The following TMPRSS11F variants were observed in gnomAD, a reference collection of about 807,000 sequenced individuals.
The protein encoded by TMPRSS11F is transmembrane serine protease 11F.
Under a neutral mutation model 60.2 loss-of-function variants are expected in TMPRSS11F, and 47 were observed. The observed-to-expected ratio is 0.78, with a 90% CI of 0.62 to 1.00. The LOEUF (loss-of-function observed/expected upper bound fraction) is 1.00, where lower values mean the gene tolerates loss of function less well. TMPRSS11F is among the 50% of genes least tolerant of loss of function. TMPRSS11F has a pLI of 0.00. For missense variants in TMPRSS11F, 519 were observed against 522.9 expected, an observed-to-expected ratio of 0.99 and a Z score of 0.07; for synonymous variants, 166 against 167.3, an observed-to-expected ratio of 0.99 and a Z score of 0.06.
chr4:68,091,886 A>C (rs1389601749), intron 2 of TMPRSS11F, among the ~76,000 whole-genome samples: 1 of 151,844 alleles, frequency 6.6e-6, no homozygotes, highest in Admixed American at 6.6e-5. Context: ...TCCTAGGTTC[A>C]AGTGATTCTC....
Position 68,129,826 on chromosome 4 carries a change from C to T in TMPRSS11F, c.-6G>A, listed in dbSNP as rs745354577. On this transcript the variant is annotated 5_prime_UTR_variant, in exon 1 of 10. Transcript: ENST00000356291. ...AATACTTACGCGTACATCATGAACC[C>T]AGGACTGGGGCAGCTTCTATTCAGT... The T allele has an allele frequency of 2.5e-6, 4 of 1,613,212 alleles. No individual in the cohort carries two copies. Among genetic ancestry groups the T allele is most frequent in the Non-Finnish European group, 3.4e-6 (4 of 1,179,472 alleles).
intron 3 of TMPRSS11F, chr4:68,077,216 G>A (rs746096615): frequency 2.6e-5 from 4 of 152,270 alleles, no homozygotes; most frequent in Admixed American, 6.5e-5. Flanking sequence ...CCCACTCCTG[G>A]GAAAAGTCCC....
At chr4:68,117,577 C>T (rs1195531562) in intron 1 of TMPRSS11F, among the ~76,000 whole-genome samples, 1 of 151,152 alleles carries the variant, frequency 6.6e-6, no homozygotes, top group East Asian at 1.9e-4. Context: ...AACAACATTC[C>T]TAATTATCAG....
intron 1 of TMPRSS11F, among the ~76,000 whole-genome samples, chr4:68,111,591 A>G (rs529336456): frequency 1.1e-4 from 17 of 152,298 alleles, no homozygotes; most frequent in African/African-American, 4.1e-4. Flanking sequence ...TATAATTATT[A>G]TTCTTCATCA....
intron 3 of TMPRSS11F, among the ~76,000 whole-genome samples, chr4:68,087,724 T>TATTA (rs1475858399): frequency 3.0e-5 from 3 of 99,106 alleles, no homozygotes. Flanking sequence ...TTTATTTATT[T>TATTA]ATTTATTATT....
At chr4:68,107,134 G>A (rs570710375) in intron 1 of TMPRSS11F, among the ~76,000 whole-genome samples, 1 of 152,120 alleles carries the variant, frequency 6.6e-6, no homozygotes, top group Non-Finnish European at 1.5e-5. Flanking sequence ...AGACTTTATA[G>A]TTACTATGAC....
chr4:68,115,727 C>T (rs1724505088), intron 1 of TMPRSS11F, among the ~76,000 whole-genome samples: 2 of 151,956 alleles, frequency 1.3e-5, no homozygotes, highest in African/African-American at 2.4e-5. Context: ...AAGCATTTAA[C>T]AAATAGGTAC....
intron 6 of TMPRSS11F, 44 bp downstream of exon 6, chr4:68,069,924 CT>C: frequency 6.6e-7 from 1 of 1,508,594 alleles, no homozygotes. Context: ...TTTTCATGAT[CT>C]TTTACTGTGA....
chr4:68,104,103 C>T (rs1577930749), intron 1 of TMPRSS11F, among the ~76,000 whole-genome samples: 1 of 152,072 alleles, frequency 6.6e-6, no homozygotes, highest in Non-Finnish European at 1.5e-5. Context: ...AATTTTACTT[C>T]CTTTCTGATT....
At chr4:68,108,171 T>C (rs1328338953) in intron 1 of TMPRSS11F, among the ~76,000 whole-genome samples, 1 of 152,192 alleles carries the variant, frequency 6.6e-6, no homozygotes, top group Admixed American at 6.5e-5. Context: ...ATTCAGAATA[T>C]ATTTTGAAGT....
rs73823612 is a variant in TMPRSS11F at position 68,115,690 on chromosome 4, C to A, written c.11+14120G>T. On this transcript the variant is annotated intron_variant, in intron 1 of 9. Transcript: ENST00000356291. ...AAAAATCACAGAGTGAAAGGTCATA[C>A]ATAAAAATCAAACTATTTCCATATA... Among the ~76,000 whole-genome samples, 1,363 of 152,194 alleles carry A rather than the reference C, an allele frequency of 9.0e-3. 26 individuals are homozygous for A. Among genetic ancestry groups the A allele is most frequent in the African/African-American group, 0.031 (1,294 of 41,524 alleles).
At chr4:68,122,157 A>G (rs1724636656) in intron 1 of TMPRSS11F, among the ~76,000 whole-genome samples, 1 of 152,218 alleles carries the variant, frequency 6.6e-6, no homozygotes, top group African/African-American at 2.4e-5. Context: ...AACATAGAAT[A>G]ATTACATTTT....
At chr4:68,075,483 GTCTC>G (rs973729259) in intron 3 of TMPRSS11F, among the ~76,000 whole-genome samples, 12 of 151,256 alleles carry the variant, frequency 7.9e-5, no homozygotes, top group Admixed American at 5.9e-4. Flanking sequence ...TACCTTCAAA[GTCTC>G]TCTCTCTGTC....
chr4:68,088,069 T>A (rs112208757), intron 3 of TMPRSS11F, among the ~76,000 whole-genome samples: 6,052 of 151,914 alleles, frequency 0.04, 364 homozygotes, highest in African/African-American at 0.13. Context: ...TTATGGCTGC[T>A]TAGTATTCCA....
intron 1 of TMPRSS11F, among the ~76,000 whole-genome samples, chr4:68,125,844 T>C (rs1403806268): frequency 1.3e-5 from 2 of 152,144 alleles, no homozygotes; most frequent in African/African-American, 4.8e-5. Flanking sequence ...AAGACTTCTT[T>C]AAGTGCAATG....
chr4:68,119,269 T>C (rs1227776706), intron 1 of TMPRSS11F, among the ~76,000 whole-genome samples: 1 of 151,958 alleles, frequency 6.6e-6, no homozygotes, highest in Non-Finnish European at 1.5e-5. Flanking sequence ...AGTTAGTTCA[T>C]GAGATTTAAG....
intron 1 of TMPRSS11F, among the ~76,000 whole-genome samples, chr4:68,122,978 T>C (rs557716352): frequency 2.6e-5 from 4 of 152,304 alleles, no homozygotes; most frequent in Admixed American, 2.6e-4. Flanking sequence ...ACTATGTTCC[T>C]TGATAATGAA....
chr4:68,066,750 AC>A (rs1426010554), intron 7 of TMPRSS11F, among the ~76,000 whole-genome samples: 3 of 152,084 alleles, frequency 2.0e-5, no homozygotes, highest in Non-Finnish European at 4.4e-5. Context: ...CCTGGTTAAC[AC>A]GGTGAAACCC....
At chr4:68,112,440 T>A (rs984765541) in intron 1 of TMPRSS11F, among the ~76,000 whole-genome samples, 1 of 152,204 alleles carries the variant, frequency 6.6e-6, no homozygotes, top group Admixed American at 6.5e-5. Context: ...AATATTTTTA[T>A]GTTATTTGTT....
Sources: gnomAD v4.1 joint callset for allele counts (sites outside exome capture counted in the v4.1 genomes callset) on GRCh38, gnomAD v4.1.1 for gene constraint, MANE v1.5 for transcripts, NCBI Gene and HGNC (gene_info 2026-07-23, HGNC 2026-07-21) for gene names.